Variants in BTK observed in about 807,000 individuals in gnomAD.
BTK encodes Bruton tyrosine kinase.
In BTK, 5 loss-of-function variants were observed where a neutral mutation model predicts 57.4. That is an observed-to-expected ratio of 0.09 (90% CI 0.05 to 0.18). BTK has a LOEUF of 0.18. BTK is among the 10% of genes least tolerant of loss of function. The probability of loss-of-function intolerance (pLI) is 1.00; values close to 1 mark genes in which losing one functional copy is unlikely to be tolerated. For synonymous variants in BTK, 154 were observed against 174.3 expected (o/e 0.88, Z 0.92); for missense variants, 194 against 501.2 (o/e 0.39, Z 5.85).
rs369195113 is a variant in BTK at position 101,369,224 on chromosome X, T to C, written c.391+774A>G. On this transcript the variant is annotated intron_variant, in intron 5 of 18. Coordinates refer to ENST00000308731, the MANE Select transcript of BTK (RefSeq NM_000061.3). The stretch of plus-strand genomic sequence containing the variant: ...TCCACAACAAAGAGATGTACAGTGC[T>C]TTCGTATACAGTGATTTACAGTTTT... Among the ~76,000 whole-genome samples, 10 of 112,635 alleles carry C rather than the reference T, an allele frequency of 8.9e-5. No individual in the cohort carries two copies. In the East Asian group the frequency reaches 2.2e-3, roughly 25 times the overall value.
At chrX:101,387,390 A>G (rs1442484332), upstream of BTK, among the ~76,000 whole-genome samples, 1 of 97,320 alleles carries the variant, frequency 1.0e-5, no homozygotes, top group African/African-American at 3.9e-5. Flanking sequence ...CTTGCTCTGA[A>G]GCCCAGGTTG....
At chrX:101,358,995 G>A (rs782346872) in intron 10 of BTK, among the ~76,000 whole-genome samples, 5 of 111,436 alleles carry the variant, frequency 4.5e-5, no homozygotes, top group South Asian at 3.8e-4. Context: ...AAAATTAGTC[G>A]GGCGTGGTGG....
chrX:101,375,496 A>G (rs1218241621), intron 1 of BTK, among the ~76,000 whole-genome samples, 182 bp from the exon 2 acceptor site: 4 of 111,934 alleles, frequency 3.6e-5, no homozygotes, highest in Non-Finnish European at 7.5e-5. Context: ...TAATGGATGC[A>G]CACTGAATTG....
rs1193720975 is a variant in BTK at position 101,353,226 on chromosome X, C to A, written c.1876G>T (p.Val626Leu). ...CAGCAACTGTACATGATGGTATATACCTTCTCTGAAGCCAGATGAGGCCTG... is the reference window on the plus strand; with the variant it reads ...CAGCAACTGTACATGATGGTATATAACTTCTCTGAAGCCAGATGAGGCCTG... ...LYRPHLASEKVYTIMYSCWHE... is the reference protein window; with the variant it reads ...LYRPHLASEKLYTIMYSCWHE... Residue 626 changes from valine to leucine, a missense_variant, in exon 18 of 19, where the codon GTA becomes TTA. By Grantham distance (32) the Val-to-Leu change is conservative (BLOSUM62 1). Transcript: ENST00000308731. 1.7e-6 allele frequency: 2 copies of A among 1,208,895 alleles called. No homozygotes were observed. The highest frequency in any genetic ancestry group is 3.5e-5 in the African/African-American group (2 of 56,916).
rs782306115 is a variant in BTK, at chrX:101,359,977, T to TTA, written c.839+109_839+110dup. 120 of 197,311 alleles carry TTA rather than the reference T, an allele frequency of 6.1e-4. 1 individual carries two copies. The East Asian group carries it at 7.1e-3, about 12-fold the overall frequency. The allele number at this position is 197,311 out of a possible 1,213,427, so 16.3% of individuals were successfully genotyped here. ...GTATACATATATACACTTGTGTGTG[T>TTA]TATATATATATATAAATATATATAA... On this transcript the variant is annotated intron_variant, in intron 9 of 18. Coordinates refer to ENST00000308731, the MANE Select transcript of BTK (RefSeq NM_000061.3).
In BTK at chrX:101,356,108, C is replaced by G; in HGVS notation, c.1510G>C (p.Asp504His). 1 of 1,211,590 alleles carries G rather than the reference C, an allele frequency of 8.3e-7. No homozygotes were observed. Among genetic ancestry groups the G allele is most frequent in the South Asian group, 1.8e-5 (1 of 56,920 alleles). Reference protein sequence around the residue: ...QTQQLLEMCKDVCEAMEYLES... With the variant: ...QTQQLLEMCKHVCEAMEYLES... ...AGGTATTCCATGGCTTCACAGACAT[C>G]CTTGCACATCTCTAGCAGCTGCTGA... The change falls in exon 15 of 19, where the codon GAT (aspartate) becomes CAT (histidine). Residue 504 changes from aspartate to histidine, a missense_variant. This residue lies in a region of BTK where 79 missense variants were observed against 217.7 expected (regional missense o/e 0.36). Transcript: ENST00000308731.
At chrX:101,390,359 T>C, upstream of BTK, 2 of 461,480 alleles carry the variant, frequency 4.3e-6, no homozygotes, top group Non-Finnish European at 7.8e-6. Context: ...TTTCAGAACC[T>C]AGAGCTGCTG....
chrX:101,378,004 T>A (rs1186667469), intron 1 of BTK: 4 of 105,839 alleles, frequency 3.8e-5, no homozygotes, highest in African/African-American at 1.1e-4. Context: ...CTCCAGAAGG[T>A]TGGTGTGTAA....
At chrX:101,363,083 T>A (rs1010091889) in intron 5 of BTK, among the ~76,000 whole-genome samples, 7 of 112,504 alleles carry the variant, frequency 6.2e-5, no homozygotes, top group African/African-American at 2.3e-4. Context: ...CTTTTAATAC[T>A]GATTTCTCAG....
chrX:101,360,225 C>A lies in BTK; in HGVS notation c.777-75G>T, dbSNP rs1926618643. Reference sequence around the variant, plus strand: ...GGAGACAGATTCATATGCCCACGTCCCTGAGCTCAGAACAAATCTCAAATG... The same window carrying A: ...GGAGACAGATTCATATGCCCACGTCACTGAGCTCAGAACAAATCTCAAATG... On this transcript the variant is annotated intron_variant, in intron 8 of 18. Transcript: ENST00000308731. 4.0e-6 allele frequency: 3 copies of A among 749,014 alleles called. 1 individual carries two copies. In the Admixed American group the frequency reaches 6.8e-5, roughly 17 times the overall value. 61.7% of individuals were successfully genotyped at this position (749,014 alleles called of 1,213,427 possible).
chrX:101,371,775 C>T, intron 3 of BTK, 74 bp from the exon 4 acceptor site: 1 of 899,028 alleles, frequency 1.1e-6, no homozygotes, highest in South Asian at 2.0e-5. Context: ...GTACTAGAAG[C>T]CTTTTGCTGT....
intron 12 of BTK, among the ~76,000 whole-genome samples, chrX:101,357,878 A>G (rs1926537612): frequency 1.8e-5 from 2 of 112,028 alleles, no homozygotes; most frequent in Admixed American, 1.9e-4. Context: ...CCCCATATCC[A>G]TGCCCTCACT....
intron 5 of BTK, among the ~76,000 whole-genome samples, chrX:101,367,804 C>T (rs2147441470): frequency 9.0e-6 from 1 of 111,370 alleles, no homozygotes; most frequent in Non-Finnish European, 1.9e-5. Flanking sequence ...CCTTGCATTC[C>T]CCCATTTCCA....
chrX:101,369,098 T>G (rs782606347), intron 5 of BTK, among the ~76,000 whole-genome samples: 1 of 112,521 alleles, frequency 8.9e-6, no homozygotes, highest in Non-Finnish European at 1.9e-5. Context: ...ACAGTCAAGT[T>G]TATCTGAACA....
At chrX:101,376,374 T>TC (rs1927214215) in intron 1 of BTK, among the ~76,000 whole-genome samples, 2 of 112,217 alleles carry the variant, frequency 1.8e-5, no homozygotes, top group African/African-American at 6.5e-5. Flanking sequence ...ACATCTGTAA[T>TC]CCCAGCACTT....
intron 2 of BTK, 148 bp downstream of exon 2, chrX:101,374,996 G>A: frequency 1.5e-6 from 1 of 679,700 alleles, no homozygotes; most frequent in Non-Finnish European, 2.3e-6. Context: ...CTAGTTATAG[G>A]CTAGGAAATA....
At chrX:101,369,500 C>T (rs781852831) in intron 5 of BTK, among the ~76,000 whole-genome samples, 49 of 111,680 alleles carry the variant, frequency 4.4e-4, no homozygotes, top group African/African-American at 1.5e-3. Flanking sequence ...GTATTTTATA[C>T]TTAGGATTCT....
intron 5 of BTK, 177 bp from the exon 6 acceptor site, chrX:101,362,866 C>A: frequency 1.7e-6 from 1 of 593,026 alleles, no homozygotes. Context: ...CTGACTGTGC[C>A]CTGGTCCCAG....
In BTK at chrX:101,357,434, TC is replaced by T. The variant is rs1926519257; in HGVS notation, c.1177+74del. The T allele has an allele frequency of 3.1e-5, 29 of 940,977 alleles. No homozygotes were observed. The South Asian group carries it at 5.7e-4, about 18-fold the overall frequency. 77.5% of individuals were successfully genotyped at this position (940,977 alleles called of 1,213,427 possible). The stretch of plus-strand genomic sequence containing the variant: ...GCAGAACAGTGTACCTCAAGGACAC[TC>T]CCTAAGGCAAGGCCAGCAAAGGTAG... On this transcript the variant is annotated intron_variant, in intron 13 of 18. Coordinates refer to ENST00000308731, the MANE Select transcript of BTK (RefSeq NM_000061.3).
Sources: gnomAD v4.1 joint callset for allele counts (sites outside exome capture counted in the v4.1 genomes callset) on GRCh38, gnomAD v4.1.1 for gene constraint, gnomAD v4.1.1 regional missense constraint, MANE v1.5 for transcripts, NCBI Gene and HGNC (gene_info 2026-07-23, HGNC 2026-07-21) for gene names.